Variants in GPHN observed in about 807,000 individuals in gnomAD.
The protein encoded by GPHN is gephyrin.
Under a neutral mutation model 95.5 loss-of-function variants are expected in GPHN, and 17 were observed. The observed-to-expected ratio is 0.18, with a 90% confidence interval of 0.12 to 0.27. The LOEUF is 0.27. GPHN is among the 10% of genes least tolerant of loss of function. The probability of loss-of-function intolerance (pLI) is 1.00; values close to 1 mark genes in which losing one functional copy is unlikely to be tolerated. For missense variants in GPHN, 660 were observed against 978.1 expected (o/e 0.67, Z 4.34); for synonymous variants, 320 against 322.5 (o/e 0.99, Z 0.08).
At chr14:66,902,630 G>A (rs995873585) in intron 5 of GPHN, among the ~76,000 whole-genome samples, 1 of 151,830 alleles carries the variant, frequency 6.6e-6, no homozygotes, top group Non-Finnish European at 1.5e-5. Flanking sequence ...ATAATCATAG[G>A]GTCTTTATTC....
chr14:67,573,985 T>C, the GPHN span: 1 of 882,220 alleles, frequency 1.1e-6, no homozygotes, highest in African/African-American at 1.7e-5. The surrounding 1 kb of genome is among the most constrained non-coding windows in gnomAD (Gnocchi z 4.8). Flanking sequence ...TGAGCATGAA[T>C]GAAAGACTTC....
At chr14:67,651,454 G>A in the GPHN span, 2 of 1,613,924 alleles carry the variant, frequency 1.2e-6, no homozygotes, top group Non-Finnish European at 1.7e-6. Flanking sequence ...AGATGATAAT[G>A]GAAAGCAGCA....
At chr14:66,788,768 T>C (rs1339296743) in intron 3 of GPHN, among the ~76,000 whole-genome samples, 3 of 152,152 alleles carry the variant, frequency 2.0e-5, no homozygotes, top group Non-Finnish European at 4.4e-5. Flanking sequence ...GTGACTCTCC[T>C]ACCTCAGCCT....
At chr14:67,197,586 C>T in the GPHN span, among the ~76,000 whole-genome samples, 2 of 151,920 alleles carry the variant, frequency 1.3e-5, no homozygotes, top group Non-Finnish European at 2.9e-5. Flanking sequence ...ATTTTTCCAC[C>T]GACTTAGAGT....
chr14:67,129,491 T>C (rs2079548873), intron 17 of GPHN, among the ~76,000 whole-genome samples: 1 of 152,206 alleles, frequency 6.6e-6, no homozygotes, highest in Non-Finnish European at 1.5e-5. Context: ...TGCAAAATCT[T>C]AATGTCTATA....
At chr14:66,576,899 A>T (rs888428026) in intron 1 of GPHN, among the ~76,000 whole-genome samples, 4 of 152,200 alleles carry the variant, frequency 2.6e-5, no homozygotes, top group Non-Finnish European at 5.9e-5. Flanking sequence ...AAATAACATT[A>T]TTCAATTTGT....
the GPHN span, among the ~76,000 whole-genome samples, chr14:67,267,788 C>CT: frequency 6.6e-6 from 1 of 152,126 alleles, no homozygotes; most frequent in East Asian, 1.9e-4. Context: ...CACCAAACTG[C>CT]TTTTTGTAAT....
chr14:67,290,234 T>A, the GPHN span, among the ~76,000 whole-genome samples: 1 of 152,158 alleles, frequency 6.6e-6, no homozygotes, highest in Non-Finnish European at 1.5e-5. Flanking sequence ...AAAAGTGACA[T>A]AACTAATTTA....
At chr14:67,701,463 G>A in the GPHN span, among the ~76,000 whole-genome samples, 1 of 100,578 alleles carries the variant, frequency 9.9e-6, no homozygotes, top group Non-Finnish European at 1.9e-5. Context: ...GGAGTCTGTT[G>A]CCCAGGCTGG....
intron 5 of GPHN, among the ~76,000 whole-genome samples, chr14:66,903,686 A>G (rs1314157219): frequency 1.3e-5 from 2 of 152,030 alleles, no homozygotes; most frequent in Non-Finnish European, 2.9e-5. Context: ...GCCATTTGTC[A>G]TTTGTTTTCT....
the GPHN span, among the ~76,000 whole-genome samples, chr14:67,633,569 C>T: frequency 6.6e-6 from 1 of 152,278 alleles, no homozygotes; most frequent in East Asian, 1.9e-4. Flanking sequence ...ACTCTGTTCC[C>T]TCTCATTTAT....
At chr14:66,992,362 T>C (rs1479816774) in intron 9 of GPHN, among the ~76,000 whole-genome samples, 1 of 152,160 alleles carries the variant, frequency 6.6e-6, no homozygotes, top group Non-Finnish European at 1.5e-5. Flanking sequence ...TAAAGGATGG[T>C]ATTTAAAGTG....
chr14:67,571,307 T>G, the GPHN span: 1 of 161,142 alleles, frequency 6.2e-6, no homozygotes, highest in Non-Finnish European at 1.4e-5. Context: ...CACACTAGAG[T>G]TTTTTCCCCC....
chr14:67,375,878 T>C, the GPHN span, among the ~76,000 whole-genome samples: 1 of 152,122 alleles, frequency 6.6e-6, no homozygotes, highest in African/African-American at 2.4e-5. Context: ...TTAAAATGAG[T>C]GTGTTAATAG....
the GPHN span, among the ~76,000 whole-genome samples, chr14:67,551,512 A>G: frequency 6.6e-6 from 1 of 152,136 alleles, no homozygotes; most frequent in African/African-American, 2.4e-5. Flanking sequence ...GAGGTTAAGG[A>G]ATTTGTCTAA....
chr14:66,992,530 G>T (rs1184402789), intron 9 of GPHN, among the ~76,000 whole-genome samples: 1 of 152,146 alleles, frequency 6.6e-6, no homozygotes, highest in Non-Finnish European at 1.5e-5. Flanking sequence ...GGGATAGTAT[G>T]AAATAGTGCT....
chr14:67,122,784 A>G (rs574121194), intron 17 of GPHN, among the ~76,000 whole-genome samples: 1 of 152,252 alleles, frequency 6.6e-6, no homozygotes, highest in Admixed American at 6.5e-5. Context: ...TTTAAGTACA[A>G]TTTTTTTCTA....
the GPHN span, chr14:67,197,994 A>G: frequency 4.4e-6 from 3 of 689,050 alleles, no homozygotes; most frequent in Admixed American, 6.0e-5. Context: ...GTTTAGATGT[A>G]TGTATTAATA....
At chr14:67,464,601 G>C in the GPHN span, among the ~76,000 whole-genome samples, 2 of 152,148 alleles carry the variant, frequency 1.3e-5, no homozygotes, top group African/African-American at 4.8e-5. Flanking sequence ...TGTACCAGCT[G>C]TTTCCTCTGC....
Sources: allele counts gnomAD v4.1 joint callset (sites outside exome capture counted in the v4.1 genomes callset), GRCh38; gene constraint gnomAD v4.1.1; non-coding constraint Gnocchi (gnomAD v3.1); transcripts MANE v1.5; gene names NCBI Gene and HGNC (gene_info 2026-07-23, HGNC 2026-07-21).